Variants in RS1 observed in about 807,000 individuals in gnomAD.
RS1 encodes retinoschisin 1.
A neutral mutation model predicts 20.8 loss-of-function variants in RS1; 2 were observed. That is an observed-to-expected ratio of 0.10 (90% confidence interval 0.04 to 0.30). The LOEUF (loss-of-function observed/expected upper bound fraction) is 0.30, where lower values mean the gene tolerates loss of function less well. Among genes scored for constraint, RS1 ranks in the 10% least tolerant of loss-of-function variants. The pLI is 1.00. For synonymous variants in RS1, 70 were observed against 75.8 expected (o/e 0.92, Z 0.40); for missense variants, 151 against 189.8 (o/e 0.80, Z 1.20).
rs372022123 is a variant in RS1 at position 18,650,640 on chromosome X, G to A, written c.185-3308C>T. On this transcript the variant is annotated intron_variant, in intron 3 of 5. Transcript: ENST00000379984. ...TGGGGCTCAGCCTGGGCTGTACCTCGGAATTGCCCGAGGAGCTGTAGAAAT... is the reference window on the plus strand; with the variant it reads ...TGGGGCTCAGCCTGGGCTGTACCTCAGAATTGCCCGAGGAGCTGTAGAAAT... 64 of 1,164,337 alleles carry A rather than the reference G, an allele frequency of 5.5e-5. 1 individual carries two copies. The highest frequency in any genetic ancestry group is 6.9e-5 in the Non-Finnish European group (59 of 854,375).
At chrX:18,658,403 C>T (rs1462798614) in intron 1 of RS1, among the ~76,000 whole-genome samples, 1 of 111,082 alleles carries the variant, frequency 9.0e-6, no homozygotes, top group African/African-American at 3.3e-5. Context: ...TTGTATCCTG[C>T]TTTCCCTTTC....
intron 5 of RS1, among the ~76,000 whole-genome samples, chrX:18,642,628 G>C (rs1927624861): frequency 8.9e-6 from 1 of 112,385 alleles, no homozygotes; most frequent in Non-Finnish European, 1.9e-5. Context: ...TCCAAAGTAG[G>C]GCTCAAGTGA....
chrX:18,648,441 C>T (rs1486283938), intron 3 of RS1, among the ~76,000 whole-genome samples: 1 of 109,964 alleles, frequency 9.1e-6, no homozygotes, highest in East Asian at 2.9e-4. Flanking sequence ...AGGATTTTGC[C>T]ATGTTCCCCA....
At chrX:18,671,162 A>C (rs1280976763) in intron 1 of RS1, among the ~76,000 whole-genome samples, 1 of 111,788 alleles carries the variant, frequency 8.9e-6, no homozygotes. Flanking sequence ...TCTGTCTACC[A>C]GGTCATTTGC....
At chrX:18,671,089 G>T (rs1313527309) in intron 1 of RS1, among the ~76,000 whole-genome samples, 1 of 112,172 alleles carries the variant, frequency 8.9e-6, no homozygotes, top group Non-Finnish European at 1.9e-5. Context: ...AGCCTGGGAG[G>T]TTGAGGCTAC....
intron 3 of RS1, among the ~76,000 whole-genome samples, chrX:18,649,468 CA>C (rs1927937546): frequency 8.9e-6 from 1 of 111,863 alleles, no homozygotes; most frequent in Non-Finnish European, 1.9e-5. Context: ...CAGAGACGGC[CA>C]TGCCCTGTCC....
At chrX:18,647,696 C>A in intron 3 of RS1, 1 of 215,794 alleles carries the variant, frequency 4.6e-6, no homozygotes, top group Non-Finnish European at 8.5e-6. Context: ...TATTTAAATG[C>A]CATACATCTT....
chrX:18,660,495 C>T (rs1313542177), intron 1 of RS1, among the ~76,000 whole-genome samples: 2 of 111,469 alleles, frequency 1.8e-5, no homozygotes, highest in African/African-American at 3.3e-5. Flanking sequence ...AGGTGTGAGC[C>T]ACCACACCCG....
At position 18,642,173 on chromosome X, in the gene RS1, A is replaced by G; in HGVS notation, c.523-17T>C. ...ATAGAAGACCTAGAGAGATAGAGGA[A>G]ATCCTGTCACCATCACATCGGGGAG... On this transcript the variant is annotated splice_polypyrimidine_tract_variant and intron_variant, in intron 5 of 5. Transcript: ENST00000379984. The G allele has an allele frequency of 8.3e-7, 1 of 1,207,672 alleles. No individual in the cohort carries two copies. The highest frequency in any genetic ancestry group is 1.1e-6 in the Non-Finnish European group (1 of 891,606).
intron 4 of RS1, among the ~76,000 whole-genome samples, chrX:18,645,757 CAG>C (rs1315398484): frequency 1.8e-5 from 2 of 110,781 alleles, no homozygotes. Context: ...ATTTATCCGG[CAG>C]AGTCTGCTAA....
rs143682861 is a variant in RS1, at chrX:18,647,197, C to T, written c.320G>A (p.Gly107Asp). Residue 107 changes from glycine (G) to aspartate (D), a missense_variant, in exon 4 of 6, where the codon GGC becomes GAC. Gly to Asp is a moderately conservative substitution (Grantham distance 94, BLOSUM62 -1). Transcript: ENST00000379984. Reference protein sequence around the residue: ...TANKARLNSQGFGCAWLSKFQ... With the variant: ...TANKARLNSQDFGCAWLSKFQ... The stretch of plus-strand genomic sequence containing the variant: ...ATCCCCGGGCCCTGCTTACCCAAAG[C>T]CTTGACTGTTGAGCCGGGCCTTGTT... 1.2e-5 allele frequency: 14 copies of T among 1,208,761 alleles called. No individual in the cohort carries two copies. The African/African-American group carries it at 2.3e-4, about 20-fold the overall frequency.
chrX:18,670,247 A>G (rs1217103153), intron 1 of RS1, among the ~76,000 whole-genome samples: 1 of 76,276 alleles, frequency 1.3e-5, no homozygotes. Flanking sequence ...TTTTTTTGAG[A>G]CTGAGTCTCG....
chrX:18,666,566 A>T (rs180988937), intron 1 of RS1, among the ~76,000 whole-genome samples: 1 of 111,379 alleles, frequency 9.0e-6, no homozygotes, highest in Non-Finnish European at 1.9e-5. Context: ...ATAGACGAGG[A>T]CATTACTGAC....
chrX:18,647,874 G>A, intron 3 of RS1, among the ~76,000 whole-genome samples: 1 of 103,226 alleles, frequency 9.7e-6, no homozygotes, highest in Non-Finnish European at 2.0e-5. Context: ...GTAAATTGCA[G>A]TTTTCTCACC....
intron 4 of RS1, among the ~76,000 whole-genome samples, chrX:18,645,197 C>CCTGAATGCTTTT (rs1452222362): frequency 9.0e-6 from 1 of 111,718 alleles, no homozygotes; most frequent in Non-Finnish European, 1.9e-5. Context: ...ATAGTAGTTC[C>CCTGAATGCTTTT]CCCCGCCACC....
At chrX:18,655,078 G>A (rs1928189083) in intron 3 of RS1, among the ~76,000 whole-genome samples, 1 of 112,004 alleles carries the variant, frequency 8.9e-6, no homozygotes, top group African/African-American at 3.2e-5. Flanking sequence ...TATTTGCAGC[G>A]ACTGCCCAAG....
At chrX:18,651,402 C>T (rs1373587687) in intron 3 of RS1, among the ~76,000 whole-genome samples, 1 of 110,842 alleles carries the variant, frequency 9.0e-6, no homozygotes, top group Non-Finnish European at 1.9e-5. Context: ...GCGCATTGCC[C>T]AAGAGAAGGA....
rs920254998 is a variant in RS1, at chrX:18,647,196, G to A, written c.321C>T (p.Gly107=). 1.7e-6 allele frequency: 2 copies of A among 1,210,961 alleles called. No homozygotes were observed. The highest frequency in any genetic ancestry group is 1.8e-5 in the South Asian group (1 of 56,934). The change falls in exon 4 of 6, where the codon GGC becomes GGT. Residue 107 remains glycine, a synonymous_variant. Transcript: ENST00000379984. ...AATCCCCGGGCCCTGCTTACCCAAA[G>A]CCTTGACTGTTGAGCCGGGCCTTGT... ...TANKARLNSQ[G]FGCAWLSKFQ...
chrX:18,650,224 A>G (rs1927970355), intron 3 of RS1: 6 of 493,416 alleles, frequency 1.2e-5, no homozygotes, highest in Non-Finnish European at 2.1e-5. Context: ...GGGCCTGTCC[A>G]GGCAGCAGAG....
Sources: gnomAD v4.1 joint callset for allele counts (sites outside exome capture counted in the v4.1 genomes callset) on GRCh38, gnomAD v4.1.1 for gene constraint, MANE v1.5 for transcripts, NCBI Gene and HGNC (gene_info 2026-07-23, HGNC 2026-07-21) for gene names.